MGMT: variants seen among roughly 807,000 people sequenced by gnomAD.
The protein encoded by MGMT is methylated-DNA--protein-cysteine methyltransferase.
MGMT carries 14 observed loss-of-function variants against 15.9 expected under a neutral mutation model. The observed-to-expected ratio is 0.88, with a 90% confidence interval of 0.58 to 1.37. The LOEUF (loss-of-function observed/expected upper bound fraction) is 1.37, where lower values mean the gene tolerates loss of function less well. MGMT is among the 40% of genes most tolerant of loss of function. The pLI is 0.00. For missense variants in MGMT, 282 were observed against 268.1 expected, an observed-to-expected ratio of 1.05 and a Z score of -0.36; for synonymous variants, 130 against 118.2, an observed-to-expected ratio of 1.10 and a Z score of -0.65.
chr10:129,744,849 G>A (rs1326181302), intron 3 of MGMT, among the ~76,000 whole-genome samples: 1 of 152,220 alleles, frequency 6.6e-6, no homozygotes, highest in Non-Finnish European at 1.5e-5. Flanking sequence ...GTTTACAGAA[G>A]ATGCTGCCCT....
intron 3 of MGMT, among the ~76,000 whole-genome samples, chr10:129,751,841 T>G (rs1848753583): frequency 1.3e-5 from 2 of 152,148 alleles, no homozygotes; most frequent in South Asian, 4.1e-4. Context: ...TGTCGATTTC[T>G]AGTCTAATTC....
chr10:129,509,560 G>A (rs1221929568), intron 1 of MGMT, among the ~76,000 whole-genome samples: 1 of 152,190 alleles, frequency 6.6e-6, no homozygotes, highest in Non-Finnish European at 1.5e-5. Flanking sequence ...AGAATTGATC[G>A]AATTCCTAAA....
chr10:129,543,746 G>A (rs1411233423), intron 2 of MGMT, among the ~76,000 whole-genome samples: 1 of 152,130 alleles, frequency 6.6e-6, no homozygotes, highest in Non-Finnish European at 1.5e-5. Context: ...TGTGTTACAA[G>A]GAGACAGAGA....
At chr10:129,638,461 A>AAAAAAAAAAAAG (rs1206037140) in intron 2 of MGMT, among the ~76,000 whole-genome samples, 1 of 149,812 alleles carries the variant, frequency 6.7e-6, no homozygotes, top group Non-Finnish European at 1.5e-5. Flanking sequence ...AAAAAAGAAA[A>AAAAAAAAAAAAG]ATAACTGACG....
At chr10:129,649,348 G>A (rs7904404) in intron 2 of MGMT, among the ~76,000 whole-genome samples, 43,791 of 151,848 alleles carry the variant, frequency 0.29, 6,723 homozygotes, top group Non-Finnish European at 0.33. Context: ...TTCCCGCGAC[G>A]TGGTAATGCA....
intron 2 of MGMT, among the ~76,000 whole-genome samples, chr10:129,555,942 C>T (rs1846208077): frequency 6.6e-6 from 1 of 152,158 alleles, no homozygotes. Context: ...TGCAGGCATT[C>T]GGAGAACTGA....
chr10:129,703,491 C>T (rs981902038), intron 2 of MGMT, among the ~76,000 whole-genome samples: 4 of 152,266 alleles, frequency 2.6e-5, no homozygotes, highest in Middle Eastern at 3.4e-3. Flanking sequence ...AGTGTACCCT[C>T]GCTTCCCTGA....
chr10:129,544,822 A>G (rs1245416669), intron 2 of MGMT, among the ~76,000 whole-genome samples: 1 of 152,198 alleles, frequency 6.6e-6, no homozygotes, highest in African/African-American at 2.4e-5. Context: ...ATAAGGTTCA[A>G]TGAACCCCTG....
intron 1 of MGMT, among the ~76,000 whole-genome samples, chr10:129,468,012 T>C (rs1222075774): frequency 6.6e-6 from 1 of 152,208 alleles, no homozygotes; most frequent in African/African-American, 2.4e-5. Context: ...TGTACATGTG[T>C]GTGCAACCTA....
intron 3 of MGMT, among the ~76,000 whole-genome samples, chr10:129,742,984 A>G (rs1848653288): frequency 1.5e-5 from 2 of 134,920 alleles, no homozygotes; most frequent in African/African-American, 2.7e-5. Context: ...TTAGCCTTCA[A>G]AGAGGTGGTA....
chr10:129,577,313 G>A lies in MGMT; in HGVS notation c.125+40936G>A, dbSNP rs1184432613. On this transcript the variant is annotated intron_variant, in intron 2 of 4. Coordinates refer to ENST00000651593, the MANE Select transcript of MGMT (RefSeq NM_002412.5). Reference sequence around the variant, plus strand: ...CTACAAGGCTACAGTAACCAAAACAGCATGGTACTGGTACCAAAACAGAGA... The same window carrying A: ...CTACAAGGCTACAGTAACCAAAACAACATGGTACTGGTACCAAAACAGAGA... Among the ~76,000 whole-genome samples the A allele has an allele frequency of 3.3e-5, 5 of 151,948 alleles. No individual in the cohort carries two copies. The East Asian group carries it at 5.8e-4, about 18-fold the overall frequency.
At chr10:129,745,964 C>T (rs1168223084) in intron 3 of MGMT, among the ~76,000 whole-genome samples, 1 of 151,988 alleles carries the variant, frequency 6.6e-6, no homozygotes, top group Admixed American at 6.6e-5. Context: ...CAGCCGGGTG[C>T]GGAAGCTCAT....
chr10:129,596,368 T>G (rs1042941417), intron 2 of MGMT, among the ~76,000 whole-genome samples: 1 of 152,232 alleles, frequency 6.6e-6, no homozygotes, highest in African/African-American at 2.4e-5. Flanking sequence ...CATAAATTGT[T>G]TATAAATACA....
intron 2 of MGMT, among the ~76,000 whole-genome samples, chr10:129,574,896 C>T (rs545592260): frequency 5.3e-5 from 8 of 152,180 alleles, no homozygotes; most frequent in Admixed American, 5.2e-4. Context: ...ATTCTCATTC[C>T]CAGCAGATAA....
At chr10:129,676,687 G>A (rs113255911) in intron 2 of MGMT, among the ~76,000 whole-genome samples, 36 of 152,220 alleles carry the variant, frequency 2.4e-4, no homozygotes, top group African/African-American at 7.9e-4. Flanking sequence ...AAACCATTAA[G>A]AATGATTGTT....
intron 1 of MGMT, among the ~76,000 whole-genome samples, chr10:129,472,708 C>T (rs1845246339): frequency 6.6e-6 from 1 of 152,168 alleles, no homozygotes. Context: ...GGAGGCCTGG[C>T]GCTGGGGAGG....
intron 4 of MGMT, among the ~76,000 whole-genome samples, chr10:129,759,686 T>C (rs987217656): frequency 7.9e-5 from 12 of 152,002 alleles, no homozygotes; most frequent in Non-Finnish European, 1.6e-4. Context: ...GTGCCTGTTT[T>C]ATGGCCCACA....
chr10:129,536,991 T>C (rs966942814), intron 2 of MGMT: 1 of 152,188 alleles, frequency 6.6e-6, no homozygotes, highest in Non-Finnish European at 1.5e-5. Flanking sequence ...AGAGCGTACA[T>C]GTTTCTCTTT....
chr10:129,561,335 C>T (rs1238566907), intron 2 of MGMT, among the ~76,000 whole-genome samples: 2 of 152,132 alleles, frequency 1.3e-5, no homozygotes, highest in African/African-American at 2.4e-5. Flanking sequence ...GGTGAGACGG[C>T]GAGCGAGGAG....
Sources: allele counts gnomAD v4.1 joint callset (sites outside exome capture counted in the v4.1 genomes callset), GRCh38; gene constraint gnomAD v4.1.1; transcripts MANE v1.5; gene names NCBI Gene and HGNC (gene_info 2026-07-23, HGNC 2026-07-21).